TAOK3: variants seen among roughly 807,000 people sequenced by gnomAD.
TAOK3 encodes serine/threonine-protein kinase TAO3.
Under a neutral mutation model 120.4 loss-of-function variants are expected in TAOK3, and 40 were observed. The observed-to-expected ratio is 0.33, with a 90% CI of 0.26 to 0.43. TAOK3 has a LOEUF of 0.43. Among genes scored for constraint, TAOK3 ranks in the 20% least tolerant of loss-of-function variants. TAOK3 has a pLI of 1.00. For missense variants in TAOK3, 821 were observed against 1,112.1 expected (o/e 0.74, Z 3.72); for synonymous variants, 355 against 387.5 (o/e 0.92, Z 0.99).
At chr12:118,332,033 G>A (rs989544267) in intron 1 of TAOK3, among the ~76,000 whole-genome samples, 7 of 152,136 alleles carry the variant, frequency 4.6e-5, no homozygotes, top group African/African-American at 9.7e-5. Context: ...CCATATTGGC[G>A]AGGTTGGTCT....
rs1473138495 is a variant in TAOK3 at position 118,371,169 on chromosome 12, G to C, written c.-194+1479C>G. ...GCTAAAATGAAAAACCAGTAGTCCA[G>C]GAAAACGCAAGGGTCTATCAAAGAA... On this transcript the variant is annotated intron_variant, in intron 1 of 20. Transcript: ENST00000392533. This position sits in a 1 kb window ranked among gnomAD's most constrained non-coding sequence, Gnocchi z 5.5. Among the ~76,000 whole-genome samples, 1 of 152,128 alleles carries C rather than the reference G, an allele frequency of 6.6e-6. No individual in the cohort carries two copies. The highest frequency in any genetic ancestry group is 1.9e-4 in the East Asian group (1 of 5,188).
At chr12:118,275,085 G>C (rs1229559625) in intron 1 of TAOK3, among the ~76,000 whole-genome samples, 1 of 151,808 alleles carries the variant, frequency 6.6e-6, no homozygotes, top group Non-Finnish European at 1.5e-5. Context: ...TATTTGACTG[G>C]GTTTTTGAAA....
intron 1 of TAOK3, among the ~76,000 whole-genome samples, chr12:118,368,950 G>A (rs1225224288): frequency 4.0e-5 from 6 of 150,022 alleles, no homozygotes; most frequent in Admixed American, 2.0e-4. Flanking sequence ...CTTGAGCTCA[G>A]GAGATTGAGA....
intron 1 of TAOK3, among the ~76,000 whole-genome samples, chr12:118,356,765 T>A (rs1371495013): frequency 6.6e-6 from 1 of 151,708 alleles, no homozygotes; most frequent in Non-Finnish European, 1.5e-5. Flanking sequence ...AAAAGAAACT[T>A]TAAAAAATTA....
In TAOK3 at chr12:118,246,161, C is replaced by T. The variant is rs371916029; in HGVS notation, c.121-1196G>A. 1.2e-4 allele frequency: 168 copies of T among 1,437,310 alleles called. 2 individuals carry two copies. Among genetic ancestry groups the T allele is most frequent in the East Asian group, 6.8e-4 (28 of 41,044 alleles). The allele number at this position is 1,437,310 out of a possible 1,614,324, so 89.0% of individuals were successfully genotyped here. A position where few individuals can be genotyped will look rare whatever the true frequency, so the allele number is the denominator to read the frequency against. Reference sequence around the variant, plus strand: ...GGATGGGGAACCGCGGTGGCTTCCGCGGAGGTTTCGGCAGTGGCATCCGGG... The same window carrying T: ...GGATGGGGAACCGCGGTGGCTTCCGTGGAGGTTTCGGCAGTGGCATCCGGG... On this transcript the variant is annotated intron_variant, in intron 3 of 20. Coordinates refer to ENST00000392533, the MANE Select transcript of TAOK3 (RefSeq NM_016281.4).
intron 3 of TAOK3, among the ~76,000 whole-genome samples, chr12:118,247,435 T>C (rs892843704): frequency 6.6e-6 from 1 of 152,044 alleles, no homozygotes; most frequent in Non-Finnish European, 1.5e-5. Context: ...CCATTAATAA[T>C]TCAAGTAATA....
chr12:118,152,647 C>T (rs777851466), intron 19 of TAOK3: 3 of 450,316 alleles, frequency 6.7e-6, no homozygotes, highest in African/African-American at 1.9e-5. Flanking sequence ...CAGCAGCAGG[C>T]GTCAGGAAGG....
intron 12 of TAOK3, chr12:118,200,833 T>C (rs2037983396): frequency 6.5e-6 from 1 of 152,752 alleles, no homozygotes; most frequent in East Asian, 1.9e-4. Flanking sequence ...CTCTACGATG[T>C]TTCTCTAAAG....
rs2037901152 is a variant in TAOK3 at position 118,199,218 on chromosome 12, T to A, written c.1027A>T (p.Ser343Cys). ...GGAATGGAATGGTTGCTGCCCAGGC[T>A]GTCCATTTCCCTGTTCAGGCTGGTT... ...HGTSLNREMD[S>C]LGSNHSIPSM... Residue 343 changes from serine to cysteine, a missense_variant, in exon 13 of 21, where the codon AGC (serine) becomes TGC (cysteine). By Grantham distance (112) the Ser-to-Cys change is moderately radical. Coordinates refer to ENST00000392533, the MANE Select transcript of TAOK3 (RefSeq NM_016281.4). 1 of 1,614,166 alleles carries A rather than the reference T, an allele frequency of 6.2e-7. No homozygotes were observed. The highest frequency in any genetic ancestry group is 1.3e-5 in the African/African-American group (1 of 75,040).
chr12:118,175,327 A>T (rs904665012), intron 16 of TAOK3, among the ~76,000 whole-genome samples: 1 of 152,164 alleles, frequency 6.6e-6, no homozygotes, highest in African/African-American at 2.4e-5. Flanking sequence ...CTAACCTACA[A>T]ATCAGAATAT....
At chr12:118,281,926 A>G (rs2042113674) in intron 1 of TAOK3, among the ~76,000 whole-genome samples, 1 of 152,218 alleles carries the variant, frequency 6.6e-6, no homozygotes, top group Non-Finnish European at 1.5e-5. Flanking sequence ...GTAACAACTA[A>G]TGTGATATAA....
intron 20 of TAOK3, among the ~76,000 whole-genome samples, chr12:118,152,019 A>C (rs1475793532): frequency 6.6e-6 from 1 of 152,194 alleles, no homozygotes; most frequent in Admixed American, 6.5e-5. Flanking sequence ...AGAAAGACTT[A>C]GGATGTGGGG....
intron 1 of TAOK3, among the ~76,000 whole-genome samples, chr12:118,315,702 C>A (rs1174123099): frequency 6.6e-6 from 1 of 151,496 alleles, no homozygotes; most frequent in Admixed American, 6.6e-5. Flanking sequence ...AGAAAATAAT[C>A]CTCCTCCCCC....
chr12:118,257,574 T>C (rs181357510), intron 2 of TAOK3, among the ~76,000 whole-genome samples: 21 of 152,254 alleles, frequency 1.4e-4, no homozygotes, highest in Admixed American at 7.8e-4. Flanking sequence ...GTTTCTTCTT[T>C]GACCAACTAG....
rs869285530 is a variant in TAOK3 at position 118,189,535 on chromosome 12, GACACACACACACACACACACAC to G, written c.1329+250_1329+271del. 5.3e-5 allele frequency among the ~76,000 whole-genome samples: 7 copies of G among 132,292 alleles called. 1 individual carries two copies. Among genetic ancestry groups the G allele is most frequent in the African/African-American group, 1.1e-4 (4 of 34,994 alleles). 86.8% of individuals were successfully genotyped at this position (132,292 alleles called of 152,430 possible). On this transcript the variant is annotated intron_variant, in intron 14 of 20. Transcript: ENST00000392533. ...GCATATACAAACACACACAGACACA[GACACACACACACACACACACAC>G]ACACACACACACACACACACAAAGG...
intron 12 of TAOK3, 36 bp from the exon 13 acceptor site, chr12:118,199,293 C>G (rs1247441811): frequency 6.6e-7 from 1 of 1,520,790 alleles, no homozygotes; most frequent in African/African-American, 1.4e-5. Flanking sequence ...GAAAAAAAGA[C>G]TGAAGATAAA....
At position 118,161,304 on chromosome 12, in the gene TAOK3, A is replaced by G. The variant is rs2035202529; in HGVS notation, c.2139+484T>C. On this transcript the variant is annotated intron_variant, in intron 18 of 20. Transcript: ENST00000392533. This position sits in a 1 kb window ranked among gnomAD's most constrained non-coding sequence, Gnocchi z 4.5. ...AGTTCCTCCACATCTCTGCATCTCTAGTGCAGAAGTGGTAAATGCCTGGCA... is the reference window on the plus strand; with the variant it reads ...AGTTCCTCCACATCTCTGCATCTCTGGTGCAGAAGTGGTAAATGCCTGGCA... Among the ~76,000 whole-genome samples the G allele has an allele frequency of 6.6e-6, 1 of 152,234 alleles. No homozygotes were observed. Among genetic ancestry groups the G allele is most frequent in the Admixed American group, 6.5e-5 (1 of 15,278 alleles).
intron 1 of TAOK3, among the ~76,000 whole-genome samples, chr12:118,300,452 TG>T (rs2042836515): frequency 6.6e-6 from 1 of 152,154 alleles, no homozygotes; most frequent in Non-Finnish European, 1.5e-5. Context: ...GTGGGAGGAT[TG>T]GGTGTTGAGT....
rs1475466373 is a variant in TAOK3 at position 118,371,888 on chromosome 12, C to T, written c.-194+760G>A. ...CGCTGTCCCGAGCCCTCTGGGGGTC[C>T]CCTCCTCTCACCCCGCTGTCCTGGC... On this transcript the variant is annotated intron_variant, in intron 1 of 20. Transcript: ENST00000392533. This position sits in a 1 kb window ranked among gnomAD's most constrained non-coding sequence, Gnocchi z 5.5. Among the ~76,000 whole-genome samples, 1 of 151,890 alleles carries T rather than the reference C, an allele frequency of 6.6e-6. No individual in the cohort carries two copies. Among genetic ancestry groups the T allele is most frequent in the African/African-American group, 2.4e-5 (1 of 41,358 alleles).
Sources: gnomAD v4.1 joint callset for allele counts (sites outside exome capture counted in the v4.1 genomes callset) on GRCh38, gnomAD v4.1.1 for gene constraint, Gnocchi (gnomAD v3.1) non-coding constraint, MANE v1.5 for transcripts, NCBI Gene and HGNC (gene_info 2026-07-23, HGNC 2026-07-21) for gene names.